STK3: variants seen among roughly 807,000 people sequenced by gnomAD.
STK3 encodes the protein serine/threonine-protein kinase 3.
Under a neutral mutation model 58.0 loss-of-function variants are expected in STK3, and 41 were observed. The ratio of observed to expected loss-of-function variants is 0.71; its 90% CI spans 0.55 to 0.92. The LOEUF (loss-of-function observed/expected upper bound fraction) is 0.92. STK3 is among the 40% of genes least tolerant of loss of function. The pLI, the probability that STK3 is intolerant of heterozygous loss-of-function variation, is 0.00. For synonymous variants in STK3, 170 were observed against 191.0 expected (o/e 0.89, Z 0.91); for missense variants, 479 against 602.7 (o/e 0.79, Z 2.15).
At chr8:98,802,494 G>GAATT (rs1314691882) in intron 1 of STK3, among the ~76,000 whole-genome samples, 3 of 152,092 alleles carry the variant, frequency 2.0e-5, no homozygotes, top group African/African-American at 7.2e-5. Flanking sequence ...ATTGGCCAAG[G>GAATT]AATTAATAAT....
chr8:98,481,059 A>G (rs936767857), intron 10 of STK3, among the ~76,000 whole-genome samples: 1 of 152,132 alleles, frequency 6.6e-6, no homozygotes, highest in African/African-American at 2.4e-5. Flanking sequence ...ATTTTGATAT[A>G]TTCTTGTTGG....
chr8:98,842,099 T>C lies in STK3; in HGVS notation c.110+41548A>G, dbSNP rs138887448. 3.3e-3 allele frequency among the ~76,000 whole-genome samples: 497 copies of C among 152,170 alleles called. 1 individual carries two copies. Among genetic ancestry groups the C allele is most frequent in the African/African-American group, 0.011 (475 of 41,534 alleles). ...AAAAGAAAACTATATAAAACCTATATGAATTTTAAAAAAAATAGTGAAGGG... is the reference window on the plus strand; with the variant it reads ...AAAAGAAAACTATATAAAACCTATACGAATTTTAAAAAAAATAGTGAAGGG... On this transcript the variant is annotated intron_variant, in intron 3 of 12. Transcript: ENST00000523601.
the STK3 span, among the ~76,000 whole-genome samples, chr8:98,360,614 C>A: frequency 6.6e-6 from 1 of 151,548 alleles, no homozygotes; most frequent in South Asian, 2.1e-4. Context: ...CATTCATTGT[C>A]AGATACATTT....
At chr8:98,877,494 T>C (rs1272838868) in intron 3 of STK3, among the ~76,000 whole-genome samples, 2 of 152,172 alleles carry the variant, frequency 1.3e-5, no homozygotes, top group Admixed American at 6.5e-5. Context: ...TTTTTTTGGT[T>C]TTTTTTGAGA....
intron 9 of STK3, among the ~76,000 whole-genome samples, chr8:98,529,577 A>G (rs1024363616): frequency 1.3e-5 from 2 of 152,224 alleles, no homozygotes; most frequent in African/African-American, 4.8e-5. Flanking sequence ...ACTTCTGGGT[A>G]TATATCCGGA....
chr8:98,821,530 C>G (rs975704390), intron 1 of STK3, among the ~76,000 whole-genome samples: 1 of 151,180 alleles, frequency 6.6e-6, no homozygotes, highest in African/African-American at 2.4e-5. Flanking sequence ...TATGGTGGTG[C>G]GTGCTTGTGG....
the STK3 span, among the ~76,000 whole-genome samples, chr8:98,346,388 G>T: frequency 6.6e-6 from 1 of 151,382 alleles, no homozygotes; most frequent in Non-Finnish European, 1.5e-5. Context: ...GGGAGTAGGA[G>T]ACTTGAAAAA....
At chr8:98,879,256 TG>T (rs1837704388), downstream of STK3, 1 of 152,232 alleles carries the variant, frequency 6.6e-6, no homozygotes, top group African/African-American at 2.4e-5. Context: ...CCATATTGTT[TG>T]GGGAATAATG....
intron 3 of STK3, among the ~76,000 whole-genome samples, chr8:98,862,247 G>A (rs1836962759): frequency 1.3e-5 from 2 of 152,200 alleles, no homozygotes; most frequent in Admixed American, 1.3e-4. Flanking sequence ...AACTTCTGGA[G>A]TAATGCATTT....
chr8:98,698,016 C>G (rs530579580), intron 6 of STK3, among the ~76,000 whole-genome samples: 62 of 152,256 alleles, frequency 4.1e-4, no homozygotes, highest in East Asian at 9.6e-4. Flanking sequence ...ATGTAGGTCA[C>G]TCAGGACTTG....
intron 4 of STK3, among the ~76,000 whole-genome samples, chr8:98,725,016 C>A (rs1234989347): frequency 6.6e-6 from 1 of 152,156 alleles, no homozygotes; most frequent in East Asian, 1.9e-4. Flanking sequence ...ATTAATACAT[C>A]CAATGACCAC....
intron 1 of STK3, among the ~76,000 whole-genome samples, chr8:98,889,517 G>A (rs898896799): frequency 1.3e-5 from 2 of 152,202 alleles, no homozygotes; most frequent in African/African-American, 2.4e-5. Context: ...ATGTTTAAAT[G>A]TGACAACCTT....
At chr8:98,797,874 G>C (rs555060807) in intron 1 of STK3, among the ~76,000 whole-genome samples, 1 of 152,244 alleles carries the variant, frequency 6.6e-6, no homozygotes, top group African/African-American at 2.4e-5. Flanking sequence ...AAAGATATTA[G>C]CAAAAGAATG....
intron 9 of STK3, among the ~76,000 whole-genome samples, chr8:98,533,696 C>T (rs1809515953): frequency 6.6e-6 from 1 of 152,124 alleles, no homozygotes; most frequent in Non-Finnish European, 1.5e-5. Flanking sequence ...TACTATGTTG[C>T]CCAGGCTGGT....
chr8:98,454,045 G>T (rs1183374446), downstream of STK3, among the ~76,000 whole-genome samples: 1 of 151,846 alleles, frequency 6.6e-6, no homozygotes, highest in East Asian at 1.9e-4. Context: ...CTTATAATTT[G>T]TATCCAATTA....
chr8:98,726,183 T>C (rs1338965252), intron 4 of STK3, among the ~76,000 whole-genome samples: 7 of 152,032 alleles, frequency 4.6e-5, no homozygotes, highest in Non-Finnish European at 1.0e-4. Flanking sequence ...GAAAGGGAAG[T>C]AGAACTGGGA....
At chr8:98,737,717 T>C (rs1242397313) in intron 4 of STK3, among the ~76,000 whole-genome samples, 2 of 148,504 alleles carry the variant, frequency 1.3e-5, no homozygotes, top group African/African-American at 4.9e-5. Flanking sequence ...TTTCTTTTTC[T>C]TTTTTTTTTA....
At chr8:98,698,181 G>A (rs1825168655) in intron 6 of STK3, among the ~76,000 whole-genome samples, 1 of 151,542 alleles carries the variant, frequency 6.6e-6, no homozygotes, top group Non-Finnish European at 1.5e-5. Context: ...GACTAGGATT[G>A]CAACCCCTGC....
chr8:98,817,969 G>A (rs1057013438), intron 1 of STK3, among the ~76,000 whole-genome samples: 2 of 152,044 alleles, frequency 1.3e-5, no homozygotes, highest in Admixed American at 1.3e-4. Context: ...CATTGAATCC[G>A]TGCCCATCTC....
Sources: allele counts gnomAD v4.1 joint callset (sites outside exome capture counted in the v4.1 genomes callset), GRCh38; gene constraint gnomAD v4.1.1; transcripts MANE v1.5; gene names NCBI Gene and HGNC (gene_info 2026-07-23, HGNC 2026-07-21).